Variants in MITF observed in about 807,000 individuals in gnomAD.
MITF encodes the protein microphthalmia-associated transcription factor.
In MITF, 17 loss-of-function variants were observed where a neutral mutation model predicts 60.5. That is an observed-to-expected ratio of 0.28 (90% CI 0.19 to 0.42). MITF has a LOEUF of 0.42. Ranked by LOEUF, MITF falls within the 10% of genes least tolerant of loss-of-function variation. The probability of loss-of-function intolerance (pLI) is 1.00; values close to 1 mark genes in which losing one functional copy is unlikely to be tolerated. For missense variants in MITF, 622 were observed against 683.5 expected (o/e 0.91, Z 1.00); for synonymous variants, 260 against 248.5 (o/e 1.05, Z -0.43).
At chr3:69,757,196 G>A (rs989275817) in intron 1 of MITF, among the ~76,000 whole-genome samples, 4 of 152,048 alleles carry the variant, frequency 2.6e-5, no homozygotes, top group African/African-American at 7.2e-5. Context: ...CCAAGTTTGA[G>A]TACCAATTAA....
intron 1 of MITF, among the ~76,000 whole-genome samples, chr3:69,844,891 C>T (rs62252240): frequency 0.15 from 23,001 of 152,096 alleles, 2,033 homozygotes; most frequent in South Asian, 0.21. Flanking sequence ...ATTGAACTCT[C>T]ATGTCACTAT....
chr3:69,747,845 C>G (rs1236176398), intron 1 of MITF, among the ~76,000 whole-genome samples: 1 of 152,186 alleles, frequency 6.6e-6, no homozygotes, highest in Non-Finnish European at 1.5e-5. Context: ...TAATTAATGT[C>G]TGACCATAGT....
chr3:69,878,480 A>G (rs543255715), intron 1 of MITF, among the ~76,000 whole-genome samples: 100 of 152,290 alleles, frequency 6.6e-4, no homozygotes, highest in South Asian at 1.7e-3. Context: ...AAAAGACAGC[A>G]CAAAGAAAAC....
intron 2 of MITF, among the ~76,000 whole-genome samples, chr3:69,916,559 CATTTTAT>C (rs2065339899): frequency 6.6e-6 from 1 of 152,134 alleles, no homozygotes; most frequent in African/African-American, 2.4e-5. Flanking sequence ...AAATTTTAAA[CATTTTAT>C]GTAGGCAAGC....
chr3:69,926,812 C>T (rs922476700), intron 2 of MITF, among the ~76,000 whole-genome samples: 1 of 152,146 alleles, frequency 6.6e-6, no homozygotes, highest in African/African-American at 2.4e-5. Context: ...CCAAAAATTT[C>T]AGAAAAAACA....
chr3:69,791,865 A>G (rs2106916573), intron 1 of MITF, among the ~76,000 whole-genome samples: 1 of 152,316 alleles, frequency 6.6e-6, no homozygotes, highest in South Asian at 2.1e-4. Context: ...GTGCAGTAGA[A>G]CTTGGAAAAT....
At chr3:69,793,400 G>A (rs957406337) in intron 1 of MITF, among the ~76,000 whole-genome samples, 6 of 139,968 alleles carry the variant, frequency 4.3e-5, no homozygotes, top group African/African-American at 1.5e-4. Context: ...CTCAAGCTCG[G>A]CATTTTAGTC....
In MITF at chr3:69,766,661, A is replaced by C. The variant is rs77732689; in HGVS notation, c.104+26960A>C. 4.0e-3 allele frequency among the ~76,000 whole-genome samples: 611 copies of C among 152,218 alleles called. 15 individuals are homozygous for C. Among genetic ancestry groups the C allele is most frequent in the East Asian group, 0.027 (140 of 5,176 alleles). On this transcript the variant is annotated intron_variant, in intron 1 of 9. Coordinates refer to ENST00000352241, the MANE Select transcript of MITF (RefSeq NM_001354604.2). ...GACCTATCTGTGCTGCTACCTACTC[A>C]TATGACCCTGTGGGTCTGTCTCCCG...
At chr3:69,846,816 C>CAA (rs375853591) in intron 1 of MITF, among the ~76,000 whole-genome samples, 1,275 of 100,162 alleles carry the variant, frequency 0.013, 24 homozygotes, top group African/African-American at 0.041. Context: ...GACTCTTTCT[C>CAA]AAAAAAAAAA....
At chr3:69,742,905 A>T (rs983382017) in intron 1 of MITF, among the ~76,000 whole-genome samples, 1 of 151,744 alleles carries the variant, frequency 6.6e-6, no homozygotes, top group South Asian at 2.1e-4. Context: ...CCAGCTATAT[A>T]TTTTTTTCCC....
intron 1 of MITF, among the ~76,000 whole-genome samples, chr3:69,785,198 G>A (rs1442728868): frequency 6.6e-6 from 1 of 152,140 alleles, no homozygotes; most frequent in African/African-American, 2.4e-5. Context: ...TTCTTCATGA[G>A]GGCTGAGGCA....
chr3:69,877,692 C>G (rs2064386770), intron 1 of MITF, among the ~76,000 whole-genome samples: 1 of 152,116 alleles, frequency 6.6e-6, no homozygotes, highest in Non-Finnish European at 1.5e-5. Context: ...GAGGGTAAAA[C>G]CAATACTTCT....
chr3:69,966,097 A>T lies in MITF; in HGVS notation c.*849A>T, dbSNP rs2066684249. On this transcript the variant is annotated 3_prime_UTR_variant, in exon 10 of 10. Transcript: ENST00000352241. ...TATTTTATTTTTGCTTTTGATAAGA[A>T]AACCGAACTGGGCATATTTCTAATT... 1 of 232,752 alleles carries T rather than the reference A, an allele frequency of 4.3e-6. No individual in the cohort carries two copies. The highest frequency in any genetic ancestry group is 1.8e-4 in the South Asian group (1 of 5,524). The allele number at this position is 232,752 out of a possible 1,614,324, so 14.4% of individuals were successfully genotyped here.
intron 2 of MITF, among the ~76,000 whole-genome samples, chr3:69,912,462 A>G (rs1271303758): frequency 6.6e-6 from 1 of 152,232 alleles, no homozygotes. Flanking sequence ...AATGAGGCGC[A>G]TCTCAACCAA....
chr3:69,838,889 G>A (rs1485536051), intron 1 of MITF, among the ~76,000 whole-genome samples: 1 of 152,214 alleles, frequency 6.6e-6, no homozygotes, highest in Non-Finnish European at 1.5e-5. Flanking sequence ...TCATGTGTAA[G>A]TTCTGTGGCT....
At chr3:69,809,647 A>G (rs1283528684) in intron 1 of MITF, among the ~76,000 whole-genome samples, 1 of 148,088 alleles carries the variant, frequency 6.8e-6, no homozygotes, top group Non-Finnish European at 1.5e-5. Context: ...TTTTTTTGGC[A>G]GAAGACTTGC....
Position 69,967,316 on chromosome 3 carries a change from C to G in MITF, c.*2068C>G, listed in dbSNP as rs576. 4.3e-6 allele frequency: 1 copy of G among 232,026 alleles called. No homozygotes were observed. Among genetic ancestry groups the G allele is most frequent in the Non-Finnish European group, 8.5e-6 (1 of 117,232 alleles). 14.4% of individuals were successfully genotyped at this position (232,026 alleles called of 1,614,324 possible). A position where few individuals can be genotyped will look rare whatever the true frequency, so the allele number is the denominator to read the frequency against. On this transcript the variant is annotated 3_prime_UTR_variant, in exon 10 of 10. Transcript: ENST00000352241. ...TATAGCTCTTTTCCTAGAATAGTGACGCAAATCTGCATGAACAGCTAATTG... is the reference window on the plus strand; with the variant it reads ...TATAGCTCTTTTCCTAGAATAGTGAGGCAAATCTGCATGAACAGCTAATTG...
chr3:69,907,947 A>G (rs1201830372), intron 2 of MITF, among the ~76,000 whole-genome samples: 2 of 152,222 alleles, frequency 1.3e-5, no homozygotes, highest in Non-Finnish European at 2.9e-5. Context: ...TTTGAAAGGA[A>G]GAGGAAATTA....
At chr3:69,739,737 G>A in intron 1 of MITF, 36 bp downstream of exon 1, 1 of 1,482,624 alleles carries the variant, frequency 6.7e-7, no homozygotes, top group Non-Finnish European at 9.2e-7. Flanking sequence ...CGCACCGGGC[G>A]GCTGGGGGGC....
Sources: gnomAD v4.1 joint callset for allele counts (sites outside exome capture counted in the v4.1 genomes callset) on GRCh38, gnomAD v4.1.1 for gene constraint, MANE v1.5 for transcripts, NCBI Gene and HGNC (gene_info 2026-07-23, HGNC 2026-07-21) for gene names.